Variants in GABRA5 observed in about 807,000 individuals in gnomAD.
GABRA5 encodes the protein gamma-aminobutyric acid receptor subunit alpha-5.
A neutral mutation model predicts 47.3 loss-of-function variants in GABRA5; 18 were observed. The ratio of observed to expected loss-of-function variants is 0.38; its 90% CI spans 0.26 to 0.56. GABRA5 has a LOEUF of 0.56. Ranked by LOEUF, GABRA5 falls within the 20% of genes least tolerant of loss-of-function variation. The probability of loss-of-function intolerance (pLI) is 0.71; values close to 1 mark genes in which losing one functional copy is unlikely to be tolerated. For missense variants in GABRA5, 365 were observed against 599.3 expected, an observed-to-expected ratio of 0.61 and a Z score of 4.08; for synonymous variants, 237 against 229.3, an observed-to-expected ratio of 1.03 and a Z score of -0.30.
intron 6 of GABRA5, among the ~76,000 whole-genome samples, chr15:26,910,877 T>TCACC (rs1893565838): frequency 6.6e-6 from 1 of 152,082 alleles, no homozygotes; most frequent in South Asian, 2.1e-4. Context: ...GCTATGACAG[T>TCACC]CACCCACTCC....
intron 6 of GABRA5, among the ~76,000 whole-genome samples, chr15:26,905,057 G>A (rs564048837): frequency 5.3e-5 from 8 of 152,074 alleles, no homozygotes; most frequent in Non-Finnish European, 7.4e-5. Flanking sequence ...AGAATTCTTC[G>A]AGCTTTTGCC....
intron 7 of GABRA5, among the ~76,000 whole-genome samples, chr15:26,918,437 G>A (rs999980637): frequency 6.6e-6 from 1 of 152,164 alleles, no homozygotes; most frequent in African/African-American, 2.4e-5. Context: ...TTAGAAAAAT[G>A]TGTATTCTGC....
intron 6 of GABRA5, among the ~76,000 whole-genome samples, chr15:26,906,041 A>G (rs1028244133): frequency 1.3e-5 from 2 of 151,564 alleles, no homozygotes; most frequent in African/African-American, 4.8e-5. Context: ...TCTTTGATGT[A>G]TTTTATTTTT....
chr15:26,921,607 A>G (rs1010772965), intron 7 of GABRA5, among the ~76,000 whole-genome samples: 3 of 151,714 alleles, frequency 2.0e-5, no homozygotes, highest in African/African-American at 7.3e-5. Flanking sequence ...TTCTGCTTTC[A>G]TCTTTTTATT....
intron 3 of GABRA5, among the ~76,000 whole-genome samples, chr15:26,876,753 G>A (rs1232137696): frequency 6.6e-6 from 1 of 152,200 alleles, no homozygotes; most frequent in Admixed American, 6.5e-5. Context: ...AATATGGGGT[G>A]AATGAAAGGC....
chr15:26,943,443 C>T lies in GABRA5; in HGVS notation c.1089+17C>T. The T allele has an allele frequency of 1.3e-6, 2 of 1,561,954 alleles. No individual in the cohort carries two copies. Among genetic ancestry groups the T allele is most frequent in the Non-Finnish European group, 1.7e-6 (2 of 1,150,858 alleles). ...AAGATCAAGGTACTGACTATTTCTC[C>T]TCCTTTCTTCCAGGTCCCCTTGACA... On this transcript the variant is annotated intron_variant, in intron 10 of 10. Coordinates refer to ENST00000335625, the MANE Select transcript of GABRA5 (RefSeq NM_000810.4).
chr15:26,875,420 G>T (rs1002446114), intron 3 of GABRA5, among the ~76,000 whole-genome samples: 1 of 152,222 alleles, frequency 6.6e-6, no homozygotes, highest in Non-Finnish European at 1.5e-5. Flanking sequence ...GGCAGAGTGG[G>T]GCTTGCCTCC....
At chr15:26,895,440 C>G (rs1268447505) in intron 6 of GABRA5, among the ~76,000 whole-genome samples, 2 of 152,072 alleles carry the variant, frequency 1.3e-5, no homozygotes, top group African/African-American at 4.8e-5. Context: ...CCGTCACTAA[C>G]AGTGTGACTT....
intron 6 of GABRA5, among the ~76,000 whole-genome samples, chr15:26,891,038 C>T (rs1247767833): frequency 1.3e-5 from 2 of 152,196 alleles, no homozygotes; most frequent in African/African-American, 2.4e-5. Flanking sequence ...GACATTTCAA[C>T]ACACATTTCT....
intron 7 of GABRA5, among the ~76,000 whole-genome samples, chr15:26,928,333 T>A (rs1894008994): frequency 6.6e-6 from 1 of 152,200 alleles, no homozygotes; most frequent in African/African-American, 2.4e-5. Flanking sequence ...GGTTTCTGAG[T>A]GCCTCGTGTG....
At chr15:26,885,069 G>A (rs546303819) in intron 6 of GABRA5, among the ~76,000 whole-genome samples, 1 of 152,244 alleles carries the variant, frequency 6.6e-6, no homozygotes, top group African/African-American at 2.4e-5. Flanking sequence ...GGCCGAGGCG[G>A]GAGGATCACG....
rs186407013 is a variant in GABRA5 at position 26,870,594 on chromosome 15, T to C, written c.86+1260T>C. On this transcript the variant is annotated intron_variant, in intron 3 of 10. Transcript: ENST00000335625. ...TAAGTATTCCCTTGGGAAAGAGCATTGGCCGTGGCTCTTGCCTTGCTTATC... is the reference window on the plus strand; with the variant it reads ...TAAGTATTCCCTTGGGAAAGAGCATCGGCCGTGGCTCTTGCCTTGCTTATC... Among the ~76,000 whole-genome samples, 3 of 152,334 alleles carry C rather than the reference T, an allele frequency of 2.0e-5. No individual in the cohort carries two copies. In the East Asian group the frequency reaches 5.8e-4, roughly 29 times the overall value.
chr15:26,881,043 G>C (rs374326388), intron 4 of GABRA5, 76 bp downstream of exon 4: 1 of 1,504,270 alleles, frequency 6.6e-7, no homozygotes, highest in Non-Finnish European at 9.0e-7. Flanking sequence ...TTGTGTTTGC[G>C]CTGATTCAAA....
intron 6 of GABRA5, among the ~76,000 whole-genome samples, chr15:26,884,478 G>GA (rs1220770607): frequency 6.6e-6 from 1 of 151,696 alleles, no homozygotes; most frequent in African/African-American, 2.4e-5. Flanking sequence ...TTTTTAAATT[G>GA]AAAAAAACAG....
chr15:26,890,139 A>T (rs956912991), intron 6 of GABRA5, among the ~76,000 whole-genome samples: 2 of 152,302 alleles, frequency 1.3e-5, no homozygotes, highest in Admixed American at 1.3e-4. Context: ...CTGTGATAAC[A>T]TTCTGGTCCA....
intron 10 of GABRA5, among the ~76,000 whole-genome samples, chr15:26,947,185 G>T (rs1894531973): frequency 6.6e-6 from 1 of 152,134 alleles, no homozygotes; most frequent in Admixed American, 6.5e-5. Flanking sequence ...TCCGTTTATG[G>T]CAAGATCTTG....
chr15:26,937,372 A>T (rs961910127), intron 8 of GABRA5, 44 bp downstream of exon 8: 3 of 1,553,780 alleles, frequency 1.9e-6, no homozygotes, highest in African/African-American at 2.7e-5. Flanking sequence ...CACTCAGGAC[A>T]CCACACCCTT....
intron 9 of GABRA5, among the ~76,000 whole-genome samples, chr15:26,941,544 T>G (rs990823907): frequency 6.6e-6 from 1 of 152,188 alleles, no homozygotes; most frequent in Non-Finnish European, 1.5e-5. Flanking sequence ...TGGCATTGAA[T>G]GAAGCCCCAG....
At chr15:26,946,204 C>T (rs1005108332) in intron 10 of GABRA5, among the ~76,000 whole-genome samples, 20 of 152,130 alleles carry the variant, frequency 1.3e-4, no homozygotes, top group Non-Finnish European at 5.9e-5. Flanking sequence ...GACTTATTTT[C>T]TTTACTCTCT....
Sources: gnomAD v4.1 joint callset for allele counts (sites outside exome capture counted in the v4.1 genomes callset) on GRCh38, gnomAD v4.1.1 for gene constraint, MANE v1.5 for transcripts, NCBI Gene and HGNC (gene_info 2026-07-23, HGNC 2026-07-21) for gene names.